The following TDRD3 variants were observed in gnomAD, a reference collection of about 807,000 sequenced individuals.
The protein encoded by TDRD3 is tudor domain containing 3.
In TDRD3, 45 loss-of-function variants were observed where a neutral mutation model predicts 86.7. The ratio of observed to expected loss-of-function variants is 0.52; its 90% CI spans 0.41 to 0.67. The LOEUF (loss-of-function observed/expected upper bound fraction) is 0.67. TDRD3 is among the 30% of genes least tolerant of loss of function. TDRD3 has a pLI of 0.00. For synonymous variants in TDRD3, 298 were observed against 301.7 expected, an observed-to-expected ratio of 0.99 and a Z score of 0.13; for missense variants, 814 against 889.0, an observed-to-expected ratio of 0.92 and a Z score of 1.07.
intron 1 of TDRD3, among the ~76,000 whole-genome samples, chr13:60,424,458 A>C (rs1342036697): frequency 6.6e-6 from 1 of 151,988 alleles, no homozygotes; most frequent in African/African-American, 2.4e-5. Context: ...TTGGCGGATC[A>C]CTTGAGGGAG....
intron 7 of TDRD3, 31 bp from the exon 8 acceptor site, chr13:60,494,404 T>TA (rs777265064): frequency 8.2e-6 from 13 of 1,591,008 alleles, no homozygotes; most frequent in Non-Finnish European, 1.1e-5. Flanking sequence ...GCTGTCTACA[T>TA]ACCTCTCTTT....
chr13:60,569,336 A>G (rs931711237), intron 13 of TDRD3, among the ~76,000 whole-genome samples: 2 of 152,228 alleles, frequency 1.3e-5, no homozygotes, highest in South Asian at 2.1e-4. Flanking sequence ...TACAAATACA[A>G]TAAAACACCT....
At chr13:60,498,599 A>G (rs1022002406) in intron 8 of TDRD3, among the ~76,000 whole-genome samples, 1 of 152,142 alleles carries the variant, frequency 6.6e-6, no homozygotes, top group Non-Finnish European at 1.5e-5. Flanking sequence ...ATGAAAGTAG[A>G]GATTTGTGGC....
chr13:60,467,530 A>G, intron 5 of TDRD3, 151 bp downstream of exon 5: 1 of 858,372 alleles, frequency 1.2e-6, no homozygotes, highest in Non-Finnish European at 1.8e-6. Context: ...TCTTTGTCTA[A>G]GTGTATTGTT....
chr13:60,465,836 T>C (rs766263276), intron 4 of TDRD3, among the ~76,000 whole-genome samples: 6 of 152,178 alleles, frequency 3.9e-5, no homozygotes, highest in Non-Finnish European at 8.8e-5. Context: ...TAATTTATCC[T>C]AAGTATTTAC....
At chr13:60,474,708 T>C (rs545140684) in intron 5 of TDRD3, among the ~76,000 whole-genome samples, 15 of 152,364 alleles carry the variant, frequency 9.8e-5, no homozygotes, top group African/African-American at 3.1e-4. Context: ...TTAATTTTTT[T>C]CCCTTAAATG....
At chr13:60,548,284 C>T (rs1013760307) in intron 12 of TDRD3, among the ~76,000 whole-genome samples, 2 of 152,096 alleles carry the variant, frequency 1.3e-5, no homozygotes, top group African/African-American at 2.4e-5. Flanking sequence ...ATTGGGTGCT[C>T]AGTTTATAGA....
chr13:60,470,904 A>G (rs905296114), intron 5 of TDRD3, among the ~76,000 whole-genome samples: 5 of 151,906 alleles, frequency 3.3e-5, no homozygotes, highest in African/African-American at 1.2e-4. Context: ...TTTGATTTGT[A>G]TTTCCCTAAT....
At position 60,510,629 on chromosome 13, in the gene TDRD3, G is replaced by C. The variant is rs1381536509; in HGVS notation, c.1016-1G>C. On this transcript the variant is annotated splice_acceptor_variant, in intron 9 of 13. Transcript: ENST00000377881. LOFTEE classifies it high-confidence loss of function. The stretch of plus-strand genomic sequence containing the variant: ...CATATTTCTTGCTTTTGCATCTAAA[G>C]GTAGAGGAAAAGGCAGGGGGCGAAT... 1 of 1,593,642 alleles carries C rather than the reference G, an allele frequency of 6.3e-7. No homozygotes were observed. Among genetic ancestry groups the C allele is most frequent in the Non-Finnish European group, 8.5e-7 (1 of 1,171,168 alleles).
intron 8 of TDRD3, among the ~76,000 whole-genome samples, chr13:60,500,888 G>A (rs889048209): frequency 6.6e-6 from 1 of 152,128 alleles, no homozygotes; most frequent in Non-Finnish European, 1.5e-5. Flanking sequence ...CCCATTCTGT[G>A]GACACCACCT....
chr13:60,397,834 A>T (rs1408689129), intron 1 of TDRD3, among the ~76,000 whole-genome samples: 1 of 151,920 alleles, frequency 6.6e-6, no homozygotes, highest in Non-Finnish European at 1.5e-5. Flanking sequence ...GCGGAGAGGG[A>T]CGAACGCGGC....
At chr13:60,449,855 G>A (rs1955494604) in intron 3 of TDRD3, among the ~76,000 whole-genome samples, 1 of 151,832 alleles carries the variant, frequency 6.6e-6, no homozygotes, top group Admixed American at 6.6e-5. Flanking sequence ...TTTGAGATTA[G>A]GATTAGGTAC....
intron 4 of TDRD3, among the ~76,000 whole-genome samples, chr13:60,463,818 A>G (rs376357205): frequency 3.9e-5 from 6 of 152,220 alleles, no homozygotes; most frequent in African/African-American, 9.6e-5. Context: ...TAGAATGCCT[A>G]TTATCAAAAA....
intron 4 of TDRD3, among the ~76,000 whole-genome samples, chr13:60,466,176 CAAA>C (rs10587325): frequency 0.11 from 17,022 of 151,568 alleles, 1,273 homozygotes; most frequent in African/African-American, 0.21. Flanking sequence ...TGATGGTGAA[CAAA>C]AAAAGAGCAT....
rs1485216841 is a variant in TDRD3, at chr13:60,573,865, G to C, written c.*259G>C. 1 of 157,872 alleles carries C rather than the reference G, an allele frequency of 6.3e-6. No homozygotes were observed. Among genetic ancestry groups the C allele is most frequent in the Non-Finnish European group, 1.4e-5 (1 of 73,154 alleles). 9.8% of individuals were successfully genotyped at this position (157,872 alleles called of 1,614,324 possible). On this transcript the variant is annotated 3_prime_UTR_variant, in exon 14 of 14. Transcript: ENST00000377881. ...CTTCTGCCGTCAATAAAACCATTGT[G>C]CTATTATTGTTTTACTGTGTGTTTT... is the stretch of plus-strand genomic sequence containing the variant.
At chr13:60,438,329 C>T (rs905956975) in intron 1 of TDRD3, among the ~76,000 whole-genome samples, 1 of 151,988 alleles carries the variant, frequency 6.6e-6, no homozygotes. Flanking sequence ...ATTTGTATTC[C>T]ATGGTCACTT....
At chr13:60,414,984 T>C (rs1436889208) in intron 1 of TDRD3, among the ~76,000 whole-genome samples, 1 of 151,858 alleles carries the variant, frequency 6.6e-6, no homozygotes, top group African/African-American at 2.4e-5. Context: ...TTAAAACACA[T>C]CAGTCTTGAG....
intron 3 of TDRD3, among the ~76,000 whole-genome samples, chr13:60,456,936 G>A (rs974369168): frequency 4.6e-5 from 7 of 151,948 alleles, no homozygotes; most frequent in African/African-American, 1.7e-4. Flanking sequence ...GTTCAAGCGA[G>A]CCACCCACCT....
chr13:60,433,915 C>A (rs1955021094), intron 1 of TDRD3: 1 of 152,180 alleles, frequency 6.6e-6, no homozygotes. Context: ...TGGCCCTCTT[C>A]TTTCCTTACT....
Sources: gnomAD v4.1 joint callset for allele counts (sites outside exome capture counted in the v4.1 genomes callset) on GRCh38, gnomAD v4.1.1 for gene constraint, MANE v1.5 for transcripts, NCBI Gene and HGNC (gene_info 2026-07-23, HGNC 2026-07-21) for gene names.